Variants in CYP4Z1 observed in about 807,000 individuals in gnomAD.
CYP4Z1 encodes cytochrome P450 family 4 subfamily Z member 1.
CYP4Z1 carries 41 observed loss-of-function variants against 54.2 expected under a neutral mutation model. The ratio of observed to expected loss-of-function variants is 0.76; its 90% CI spans 0.59 to 0.98. CYP4Z1 has a LOEUF of 0.98. Ranked by LOEUF, CYP4Z1 falls within the 50% of genes least tolerant of loss-of-function variation. The pLI, the probability that CYP4Z1 is intolerant of heterozygous loss-of-function variation, is 0.00. For synonymous variants in CYP4Z1, 163 were observed against 206.2 expected, an observed-to-expected ratio of 0.79 and a Z score of 1.79; for missense variants, 513 against 599.0, an observed-to-expected ratio of 0.86 and a Z score of 1.50.
intron 8 of CYP4Z1, among the ~76,000 whole-genome samples, chr1:47,099,522 CA>C (rs1176666448): frequency 6.6e-6 from 1 of 152,112 alleles, no homozygotes; most frequent in Non-Finnish European, 1.5e-5. Flanking sequence ...TCACTTCAGG[CA>C]ATAGTACAAC....
At chr1:47,070,301 C>T (rs1644481678) in intron 2 of CYP4Z1, among the ~76,000 whole-genome samples, 1 of 114,738 alleles carries the variant, frequency 8.7e-6, no homozygotes, top group Admixed American at 8.8e-5. Flanking sequence ...GTAAAATATA[C>T]ATAAACTAAA....
chr1:47,113,229 C>T (rs755267156), intron 9 of CYP4Z1, among the ~76,000 whole-genome samples: 1 of 152,154 alleles, frequency 6.6e-6, no homozygotes, highest in Non-Finnish European at 1.5e-5. Context: ...TGGCTTCATG[C>T]TTTTTTATCT....
chr1:47,065,128 A>T (rs1644442955), upstream of CYP4Z1, among the ~76,000 whole-genome samples: 1 of 152,170 alleles, frequency 6.6e-6, no homozygotes, highest in Non-Finnish European at 1.5e-5. Context: ...GGTCATCAAG[A>T]CAGAAAATCA....
rs1644456978 is a variant in CYP4Z1 at position 47,067,346 on chromosome 1, C to T, written c.-145C>T. On this transcript the variant is annotated 5_prime_UTR_variant, in exon 1 of 12. Transcript: ENST00000334194. ...TCACCCTGCAGACTTAATTAGGCTT[C>T]CTCTTCCTTATGTCCCCTCCCTGAA... The T allele has an allele frequency of 3.2e-6, 2 of 622,528 alleles. No individual in the cohort carries two copies. The highest frequency in any genetic ancestry group is 5.0e-6 in the Non-Finnish European group (2 of 402,762). 38.6% of individuals were successfully genotyped at this position (622,528 alleles called of 1,614,324 possible).
the CYP4Z1 span, among the ~76,000 whole-genome samples, chr1:47,057,733 A>G: frequency 6.6e-6 from 1 of 151,884 alleles, no homozygotes; most frequent in Non-Finnish European, 1.5e-5. Context: ...CTTTTTAAAA[A>G]TCATTTGTAA....
At chr1:47,058,840 G>C in the CYP4Z1 span, among the ~76,000 whole-genome samples, 1 of 151,996 alleles carries the variant, frequency 6.6e-6, no homozygotes, top group Admixed American at 6.6e-5. Flanking sequence ...ACCCTGGCAG[G>C]GACAGGCAGA....
At chr1:47,114,720 G>T (rs1190292672) in intron 9 of CYP4Z1, among the ~76,000 whole-genome samples, 1 of 152,198 alleles carries the variant, frequency 6.6e-6, no homozygotes, top group African/African-American at 2.4e-5. Flanking sequence ...GGCCATCAGA[G>T]AAATGCAAAT....
intron 2 of CYP4Z1, among the ~76,000 whole-genome samples, chr1:47,079,312 T>C (rs1569710189): frequency 6.6e-6 from 1 of 152,270 alleles, no homozygotes; most frequent in East Asian, 1.9e-4. Flanking sequence ...TTTTTTCTGA[T>C]TAAGTGTGCA....
intron 1 of CYP4Z1, 47 bp downstream of exon 1, chr1:47,067,714 G>A (rs1322937363): frequency 8.7e-6 from 13 of 1,490,194 alleles, no homozygotes; most frequent in South Asian, 2.8e-5. Flanking sequence ...AGAAAGATGA[G>A]GTATTAAAAA....
chr1:47,072,833 G>A (rs61784337), intron 2 of CYP4Z1, among the ~76,000 whole-genome samples: 113,115 of 129,124 alleles, frequency 0.88, 49,394 homozygotes, highest in Non-Finnish European at 0.96. Context: ...TGTTACATTT[G>A]AGGAATTCAG....
intron 7 of CYP4Z1, among the ~76,000 whole-genome samples, chr1:47,097,739 A>T (rs1239281520): frequency 1.3e-5 from 2 of 151,000 alleles, no homozygotes. Flanking sequence ...AGAGGCCTCC[A>T]GCTTTGGTTT....
In CYP4Z1 at chr1:47,114,598, A is replaced by G. The variant is rs1406029121; in HGVS notation, c.1202-931A>G. ...TACAATGAACTCAAACAAATTTACAAGAAAAAAACAAACAACCCCATCAAC... is the reference window on the plus strand; with the variant it reads ...TACAATGAACTCAAACAAATTTACAGGAAAAAAACAAACAACCCCATCAAC... On this transcript the variant is annotated intron_variant, in intron 9 of 11. Transcript: ENST00000334194. 2.0e-5 allele frequency among the ~76,000 whole-genome samples: 3 copies of G among 149,442 alleles called. No homozygotes were observed. In the Admixed American group the frequency reaches 2.0e-4, roughly 10 times the overall value.
At chr1:47,110,404 T>C (rs1041480864) in intron 9 of CYP4Z1, among the ~76,000 whole-genome samples, 1 of 140,606 alleles carries the variant, frequency 7.1e-6, no homozygotes, top group Non-Finnish European at 1.5e-5. Context: ...AAATCAAAAA[T>C]ATCTCATCTG....
At chr1:47,113,798 A>G (rs955634157) in intron 9 of CYP4Z1, among the ~76,000 whole-genome samples, 3 of 152,184 alleles carry the variant, frequency 2.0e-5, no homozygotes, top group Non-Finnish European at 4.4e-5. Context: ...ATAAAAGAGG[A>G]TACAAACAAA....
chr1:47,067,415 T>C lies in CYP4Z1; in HGVS notation c.-76T>C. ...CAGTGTTGCCCAGGGGGCATCTCCT[T>C]TGTGTTTATGAGAGACCTGCATTCT... On this transcript the variant is annotated 5_prime_UTR_variant, in exon 1 of 12. Coordinates refer to ENST00000334194, the MANE Select transcript of CYP4Z1 (RefSeq NM_178134.3). 7.6e-7 allele frequency: 1 copy of C among 1,319,754 alleles called. No homozygotes were observed. The highest frequency in any genetic ancestry group is 1.0e-6 in the Non-Finnish European group (1 of 998,784). The allele number at this position is 1,319,754 out of a possible 1,614,324, so 81.8% of individuals were successfully genotyped here.
chr1:47,108,691 T>G (rs10890460), intron 9 of CYP4Z1, among the ~76,000 whole-genome samples: 1 of 151,880 alleles, frequency 6.6e-6, no homozygotes, highest in African/African-American at 2.4e-5. Flanking sequence ...TATTAAACAT[T>G]TGCTCTAGGC....
intron 9 of CYP4Z1, among the ~76,000 whole-genome samples, chr1:47,113,252 T>C (rs1462342811): frequency 2.0e-5 from 3 of 152,212 alleles, no homozygotes; most frequent in Admixed American, 2.0e-4. Flanking sequence ...CTCAAATTCC[T>C]TTCTGAACAT....
chr1:47,082,709 A>G (rs1213125955), intron 4 of CYP4Z1, among the ~76,000 whole-genome samples: 1 of 151,810 alleles, frequency 6.6e-6, no homozygotes, highest in Non-Finnish European at 1.5e-5. Context: ...GAGTGAGTCC[A>G]GTAGACTCAC....
chr1:47,061,154 G>A, the CYP4Z1 span, among the ~76,000 whole-genome samples: 1 of 152,128 alleles, frequency 6.6e-6, no homozygotes, highest in African/African-American at 2.4e-5. Context: ...GGAAGGAAGA[G>A]CAAATCAACT....
Sources: allele counts gnomAD v4.1 joint callset (sites outside exome capture counted in the v4.1 genomes callset), GRCh38; gene constraint gnomAD v4.1.1; transcripts MANE v1.5; gene names NCBI Gene and HGNC (gene_info 2026-07-23, HGNC 2026-07-21).